Variants in TMTC1 observed in about 807,000 individuals in gnomAD.
TMTC1 encodes protein O-mannosyl-transferase TMTC1.
TMTC1 carries 73 observed loss-of-function variants against 104.8 expected under a neutral mutation model. That is an observed-to-expected ratio of 0.70 (90% CI 0.58 to 0.85). The LOEUF (loss-of-function observed/expected upper bound fraction) is 0.85, where lower values mean the gene tolerates loss of function less well. Among genes scored for constraint, TMTC1 ranks in the 40% least tolerant of loss-of-function variants. The probability of loss-of-function intolerance (pLI) is 0.00; values close to 1 mark genes in which losing one functional copy is unlikely to be tolerated. For missense variants in TMTC1, 1,035 were observed against 1,096.1 expected (o/e 0.94, Z 0.79); for synonymous variants, 434 against 428.7 (o/e 1.01, Z -0.15).
At chr12:29,548,027 C>G (rs374852977) in intron 10 of TMTC1, among the ~76,000 whole-genome samples, 2 of 152,170 alleles carry the variant, frequency 1.3e-5, no homozygotes, top group Non-Finnish European at 2.9e-5. Context: ...AGGAGAAGCA[C>G]CAGGCGCTAA....
At chr12:29,542,554 G>A (rs963523290) in intron 10 of TMTC1, among the ~76,000 whole-genome samples, 1 of 152,020 alleles carries the variant, frequency 6.6e-6, no homozygotes, top group Non-Finnish European at 1.5e-5. Context: ...CTCTCCAGGT[G>A]TTTGGTAAAG....
intron 16 of TMTC1, among the ~76,000 whole-genome samples, chr12:29,513,349 C>T (rs1438068183): frequency 6.6e-6 from 1 of 151,966 alleles, no homozygotes; most frequent in East Asian, 1.9e-4. Flanking sequence ...CACACACACA[C>T]ATACATATTC....
intron 7 of TMTC1, among the ~76,000 whole-genome samples, chr12:29,596,767 A>G (rs1946415502): frequency 6.6e-6 from 1 of 152,236 alleles, no homozygotes; most frequent in African/African-American, 2.4e-5. Context: ...CAAACAAAGA[A>G]TGAAGCCATA....
rs139588924 is a variant in TMTC1, at chr12:29,512,486, A to G, written c.2431-366T>C. On this transcript the variant is annotated intron_variant, in intron 16 of 17. Transcript: ENST00000539277. ...TGGAATTGGTAAGAAAATTCTTTTT[A>G]TAATAACAGAATTTTGGAGTAGTCT... Among the ~76,000 whole-genome samples, 70 of 152,284 alleles carry G rather than the reference A, an allele frequency of 4.6e-4. No individual in the cohort carries two copies. The East Asian group carries it at 0.013, about 29-fold the overall frequency.
intron 11 of TMTC1, among the ~76,000 whole-genome samples, chr12:29,531,234 T>G (rs1944494446): frequency 6.6e-6 from 1 of 152,198 alleles, no homozygotes; most frequent in Admixed American, 6.5e-5. Context: ...GTTAGGGTCT[T>G]CGTCCAAGTT....
At chr12:29,517,373 T>A (rs980643427) in intron 14 of TMTC1, 54 bp downstream of exon 14, 1 of 1,608,150 alleles carries the variant, frequency 6.2e-7, no homozygotes, top group South Asian at 1.1e-5. Context: ...TACAGCTCTC[T>A]CTATGGCTGC....
intron 5 of TMTC1, among the ~76,000 whole-genome samples, chr12:29,647,983 T>C (rs1939344419): frequency 6.6e-6 from 1 of 152,192 alleles, no homozygotes; most frequent in Admixed American, 6.5e-5. Flanking sequence ...GGAAATGACA[T>C]TTAAGGCTCC....
intron 10 of TMTC1, among the ~76,000 whole-genome samples, chr12:29,539,146 A>G (rs1314659190): frequency 6.6e-6 from 1 of 152,364 alleles, no homozygotes; most frequent in Middle Eastern, 3.4e-3. Context: ...CTTTGACACA[A>G]TAACTTAGAG....
At chr12:29,749,235 C>CAA (rs775677475) in intron 5 of TMTC1, among the ~76,000 whole-genome samples, 1 of 152,054 alleles carries the variant, frequency 6.6e-6, no homozygotes, top group Non-Finnish European at 1.5e-5. Flanking sequence ...TAAGGATACA[C>CAA]ACACACACAC....
intron 2 of TMTC1, among the ~76,000 whole-genome samples, chr12:29,761,599 A>T (rs191550052): frequency 6.7e-6 from 1 of 149,680 alleles, no homozygotes; most frequent in Admixed American, 6.7e-5. Context: ...TTTTAATCCA[A>T]GAAATAAGAG....
At chr12:29,600,759 G>C (rs1207705676) in intron 7 of TMTC1, among the ~76,000 whole-genome samples, 1 of 152,162 alleles carries the variant, frequency 6.6e-6, no homozygotes, top group African/African-American at 2.4e-5. Flanking sequence ...CCTCTGCTCC[G>C]GTGGCTCTGG....
At chr12:29,700,616 T>A (rs1941561289) in intron 5 of TMTC1, among the ~76,000 whole-genome samples, 2 of 152,218 alleles carry the variant, frequency 1.3e-5, no homozygotes, top group South Asian at 4.1e-4. Context: ...TTTGTTGTAC[T>A]TGTACATTTT....
intron 5 of TMTC1, among the ~76,000 whole-genome samples, chr12:29,648,876 G>C (rs1042471154): frequency 1.3e-5 from 2 of 151,740 alleles, no homozygotes; most frequent in Non-Finnish European, 2.9e-5. Context: ...TTCTTACTAA[G>C]TCTTCTAAAT....
intron 5 of TMTC1, among the ~76,000 whole-genome samples, chr12:29,714,011 G>A (rs903395127): frequency 1.1e-4 from 17 of 152,160 alleles, no homozygotes; most frequent in African/African-American, 3.6e-4. Flanking sequence ...CTTTCTCACC[G>A]GAGGGCACAG....
At chr12:29,553,953 C>T (rs529841972) in intron 10 of TMTC1, among the ~76,000 whole-genome samples, 6 of 152,104 alleles carry the variant, frequency 3.9e-5, no homozygotes, top group African/African-American at 7.2e-5. Context: ...TAACAAGAAA[C>T]GCCATTTTGT....
At chr12:29,646,356 G>C (rs1441719617) in intron 5 of TMTC1, among the ~76,000 whole-genome samples, 4 of 152,128 alleles carry the variant, frequency 2.6e-5, no homozygotes, top group Non-Finnish European at 5.9e-5. Flanking sequence ...ATTTTTTTCA[G>C]TGTGAAAAGC....
Position 29,502,695 on chromosome 12 carries a change from T to C in TMTC1, c.*4151A>G, listed in dbSNP as rs1035467170. On this transcript the variant is annotated 3_prime_UTR_variant, in exon 18 of 18. Transcript: ENST00000539277. ...TTGTTAAGACTTCTTTGGCTCATTTTAGTATAGACTTAAAAGTAAAAATTG... is the reference window on the plus strand; with the variant it reads ...TTGTTAAGACTTCTTTGGCTCATTTCAGTATAGACTTAAAAGTAAAAATTG... The C allele has an allele frequency of 1.2e-4, 18 of 152,346 alleles. No individual in the cohort carries two copies. Among genetic ancestry groups the C allele is most frequent in the Admixed American group, 2.0e-4 (3 of 15,302 alleles). 9.4% of individuals were successfully genotyped at this position (152,346 alleles called of 1,614,324 possible).
intron 6 of TMTC1, among the ~76,000 whole-genome samples, chr12:29,625,047 A>G (rs915585299): frequency 1.3e-5 from 2 of 152,294 alleles, no homozygotes; most frequent in Admixed American, 6.5e-5. Flanking sequence ...TATGGATATA[A>G]TCAGGGATTA....
At chr12:29,754,618 G>C (rs1943171604) in intron 4 of TMTC1, among the ~76,000 whole-genome samples, 1 of 152,188 alleles carries the variant, frequency 6.6e-6, no homozygotes, top group Admixed American at 6.5e-5. Context: ...AGAGGATACG[G>C]AGGAAAGGCA....
Sources: allele counts gnomAD v4.1 joint callset (sites outside exome capture counted in the v4.1 genomes callset), GRCh38; gene constraint gnomAD v4.1.1; transcripts MANE v1.5; gene names NCBI Gene and HGNC (gene_info 2026-07-23, HGNC 2026-07-21).